The following SAMMSON variants were observed in gnomAD, a reference collection of about 807,000 sequenced individuals.
The protein encoded by SAMMSON is survival associated mitochondrial melanoma specific oncogenic non-coding RNA.
intron 7 of SAMMSON, among the ~76,000 whole-genome samples, chr3:70,346,232 G>T (rs1297282941): frequency 6.6e-6 from 1 of 151,058 alleles, no homozygotes; most frequent in East Asian, 1.9e-4. Context: ...AATGATAACT[G>T]ATGTGCATCT....
At chr3:70,303,625 C>T (rs747259259) in intron 7 of SAMMSON, among the ~76,000 whole-genome samples, 3 of 152,108 alleles carry the variant, frequency 2.0e-5, no homozygotes, top group Non-Finnish European at 4.4e-5. Context: ...ACCGATAAAG[C>T]TCCCTTTTAA....
At chr3:70,297,026 T>A (rs1702295992) in intron 7 of SAMMSON, among the ~76,000 whole-genome samples, 1 of 152,144 alleles carries the variant, frequency 6.6e-6, no homozygotes, top group Middle Eastern at 3.4e-3. Flanking sequence ...GCACATACTA[T>A]GGCTTAACCA....
chr3:70,194,884 G>T (rs150258065), intron 4 of SAMMSON, among the ~76,000 whole-genome samples: 93 of 152,296 alleles, frequency 6.1e-4, no homozygotes, highest in Admixed American at 9.8e-4. Context: ...TAGACCACGG[G>T]TAGAGGGGTG....
chr3:70,387,664 AAATGTAACAATCAGGTCAC>A (rs1396388499), intron 9 of SAMMSON, among the ~76,000 whole-genome samples: 1 of 152,134 alleles, frequency 6.6e-6, no homozygotes, highest in African/African-American at 2.4e-5. Flanking sequence ...CCTAAGGGCA[AAATGTAACAATCAGGTCAC>A]ACAGAGAACT....
At chr3:70,149,571 A>T (rs935211478) in intron 4 of SAMMSON, among the ~76,000 whole-genome samples, 1 of 152,100 alleles carries the variant, frequency 6.6e-6, no homozygotes, top group Non-Finnish European at 1.5e-5. Context: ...AGCTTTCCAG[A>T]TGATTCTGAT....
chr3:70,361,886 T>C (rs1028299650), intron 9 of SAMMSON, among the ~76,000 whole-genome samples: 2 of 152,134 alleles, frequency 1.3e-5, no homozygotes, highest in Non-Finnish European at 2.9e-5. Flanking sequence ...TTAAAATAGG[T>C]AACACTTTTC....
chr3:70,389,456 T>A (rs930605707), intron 9 of SAMMSON: 1 of 152,142 alleles, frequency 6.6e-6, no homozygotes, highest in Admixed American at 6.6e-5. Flanking sequence ...GTTCTCTTGA[T>A]CTTCTCCTAA....
chr3:70,138,903 A>G (rs1336404497), intron 4 of SAMMSON, among the ~76,000 whole-genome samples: 1 of 152,124 alleles, frequency 6.6e-6, no homozygotes, highest in Non-Finnish European at 1.5e-5. Context: ...CTTTTTAGAG[A>G]CAGAGTCTCA....
intron 6 of SAMMSON, among the ~76,000 whole-genome samples, chr3:70,284,496 C>T (rs553575177): frequency 1.3e-5 from 2 of 152,210 alleles, no homozygotes; most frequent in East Asian, 1.9e-4. Context: ...TGGCATCAAC[C>T]TAAATGCCCA....
chr3:70,044,937 A>G (rs967271315), intron 3 of SAMMSON, among the ~76,000 whole-genome samples: 1 of 142,530 alleles, frequency 7.0e-6, no homozygotes, highest in East Asian at 2.0e-4. Context: ...AAAGTATTAC[A>G]TAAGGTAAAA....
rs6774441 is a variant in SAMMSON at position 70,235,085 on chromosome 3, C to T, written n.508-14022C>T. On this transcript the variant is annotated intron_variant and non_coding_transcript_variant, in intron 4 of 9. Transcript: ENST00000642114. The stretch of plus-strand genomic sequence containing the variant: ...TGATTGCACTTTGCTGCAGAATGTC[C>T]TTGTTCCTTTATGTTTTTTTCCAAC... Among the ~76,000 whole-genome samples the T allele has an allele frequency of 3.0e-3, 453 of 152,262 alleles. 1 individual carries two copies. Among genetic ancestry groups the T allele is most frequent in the African/African-American group, 0.011 (439 of 41,558 alleles).
At chr3:70,141,010 T>C (rs1004718019) in intron 4 of SAMMSON, among the ~76,000 whole-genome samples, 10 of 152,088 alleles carry the variant, frequency 6.6e-5, no homozygotes, top group African/African-American at 2.4e-4. Context: ...CATGGCAATG[T>C]AGGTTTTTTT....
At chr3:70,220,795 G>T (rs909839523) in intron 4 of SAMMSON, among the ~76,000 whole-genome samples, 1 of 152,132 alleles carries the variant, frequency 6.6e-6, no homozygotes, top group East Asian at 1.9e-4. Context: ...TCTCTGAAGC[G>T]TTCCTAGACT....
intron 7 of SAMMSON, chr3:70,311,936 G>C (rs1408101403): frequency 5.0e-6 from 2 of 397,702 alleles, no homozygotes; most frequent in African/African-American, 4.1e-5. Flanking sequence ...ATGCTCAGCT[G>C]TTCTTACTTT....
intron 6 of SAMMSON, among the ~76,000 whole-genome samples, chr3:70,277,802 A>T (rs1054625464): frequency 2.0e-5 from 3 of 152,052 alleles, no homozygotes; most frequent in African/African-American, 7.2e-5. Flanking sequence ...CCCATTTTTT[A>T]TACAAATGGT....
chr3:70,155,506 A>G (rs2067588713), intron 4 of SAMMSON, among the ~76,000 whole-genome samples: 1 of 152,060 alleles, frequency 6.6e-6, no homozygotes, highest in Non-Finnish European at 1.5e-5. Flanking sequence ...TATAAAATTT[A>G]TGTTGAAGAA....
At chr3:70,012,530 C>A (rs1380253394) in exon 2 of SAMMSON, 1 of 152,180 alleles carries the variant, frequency 6.6e-6, no homozygotes. Context: ...AACAAATTTT[C>A]CACTAGAGCC....
chr3:70,231,172 C>T (rs558495459), intron 4 of SAMMSON, among the ~76,000 whole-genome samples: 9 of 152,280 alleles, frequency 5.9e-5, no homozygotes, highest in Admixed American at 2.6e-4. Context: ...CTGACAGGCT[C>T]CAGTCAGCAA....
intron 4 of SAMMSON, among the ~76,000 whole-genome samples, chr3:70,237,202 C>A (rs1036473132): frequency 3.9e-5 from 6 of 152,094 alleles, no homozygotes; most frequent in Admixed American, 3.3e-4. Context: ...TATATTTTTC[C>A]CTTTGTTAGT....
Sources: gnomAD v4.1 joint callset for allele counts (sites outside exome capture counted in the v4.1 genomes callset) on GRCh38, gnomAD v4.1.1 for gene constraint, MANE v1.5 for transcripts, NCBI Gene and HGNC (gene_info 2026-07-23, HGNC 2026-07-21) for gene names.